The following SEC16A variants were observed in gnomAD, a reference collection of about 807,000 sequenced individuals.
SEC16A encodes the protein protein transport protein Sec16A.
Under a neutral mutation model 221.9 loss-of-function variants are expected in SEC16A, and 110 were observed. That is an observed-to-expected ratio of 0.50 (90% confidence interval 0.42 to 0.58). SEC16A has a LOEUF of 0.58. Among genes scored for constraint, SEC16A ranks in the 20% least tolerant of loss-of-function variants. The pLI is 0.00. For missense variants in SEC16A, 3,165 were observed against 3,097.8 expected (o/e 1.02, Z -0.52); for synonymous variants, 1,393 against 1,257.7 (o/e 1.11, Z -2.28).
chr9:136,461,111 C>T (rs1056880636), intron 13 of SEC16A, 66 bp downstream of exon 13: 85 of 1,277,232 alleles, frequency 6.7e-5, no homozygotes, highest in Non-Finnish European at 8.1e-5. Context: ...CCCCAGGGTG[C>T]GGACGCCGCG....
At chr9:136,449,122 T>G (rs1292809330) in intron 23 of SEC16A, among the ~76,000 whole-genome samples, 1 of 152,076 alleles carries the variant, frequency 6.6e-6, no homozygotes, top group African/African-American at 2.4e-5. Flanking sequence ...TCCTCCCCTT[T>G]GAGAAGTGGA....
chr9:136,483,551 C>G (rs376776341), upstream of SEC16A: 3 of 985,232 alleles, frequency 3.0e-6, no homozygotes, highest in East Asian at 1.1e-4. Flanking sequence ...CCAGGCGCGC[C>G]GGGGCCGTCC....
rs1483275802 is a variant in SEC16A, at chr9:136,459,331, C to A, written c.5304-92G>T. On this transcript the variant is annotated intron_variant, in intron 16 of 31. Coordinates refer to ENST00000684901, the MANE Select transcript of SEC16A (RefSeq NM_014866.2). This position sits in a 1 kb window ranked among gnomAD's most constrained non-coding sequence, Gnocchi z 6.1. ...GCAAATCATCCAGAAGTGTGTCCCA[C>A]CACGTGACAAATAAAGACATGATTC... 3 of 1,411,912 alleles carry A rather than the reference C, an allele frequency of 2.1e-6. No individual in the cohort carries two copies. The African/African-American group carries it at 4.2e-5, about 20-fold the overall frequency. The allele number at this position is 1,411,912 out of a possible 1,614,324, so 87.5% of individuals were successfully genotyped here. A position where few individuals can be genotyped will look rare whatever the true frequency, so the allele number is the denominator to read the frequency against.
In SEC16A at chr9:136,455,710, G is replaced by A. The variant is rs769048373; in HGVS notation, c.5748C>T (p.Asp1916=). ...GTPSSEMEQL[D]RPGLSQPGAL... The stretch of plus-strand genomic sequence containing the variant: ...CTCCTGGCTGACTGAGTCCTGGCCT[G>A]TCCAACTGCTCCATCTCGGAACTCG... The change falls in exon 20 of 32, where the codon GAC becomes GAT. Residue 1916 remains aspartate, a synonymous_variant. Coordinates refer to ENST00000684901, the MANE Select transcript of SEC16A (RefSeq NM_014866.2). 2.5e-5 allele frequency: 40 copies of A among 1,594,242 alleles called. No individual in the cohort carries two copies. Among genetic ancestry groups the A allele is most frequent in the East Asian group, 4.6e-5 (2 of 43,712 alleles).
chr9:136,484,579 G>T, upstream of SEC16A: 1 of 1,339,242 alleles, frequency 7.5e-7, no homozygotes, highest in South Asian at 1.2e-5. Context: ...GGGAGGCTGA[G>T]CTCCCAGCAG....
At chr9:136,452,769 GAAAA>G (rs35228326) in intron 22 of SEC16A, among the ~76,000 whole-genome samples, 8 of 77,938 alleles carry the variant, frequency 1.0e-4, no homozygotes, top group African/African-American at 2.6e-4. Flanking sequence ...ATGTCTTAGG[GAAAA>G]AAAAAAAAAA....
In SEC16A at chr9:136,468,903, G is replaced by A. The variant is rs142896987; in HGVS notation, c.3705-391C>T. ...TTCACTCTGTCGCATAGGCTGGAGTGCAGTGACATGATCTCAGCTTAACAC... is the reference window on the plus strand; with the variant it reads ...TTCACTCTGTCGCATAGGCTGGAGTACAGTGACATGATCTCAGCTTAACAC... On this transcript the variant is annotated intron_variant, in intron 4 of 31. Transcript: ENST00000684901. Among the ~76,000 whole-genome samples the A allele has an allele frequency of 4.5e-3, 684 of 152,216 alleles. 5 individuals carry two copies. The highest frequency in any genetic ancestry group is 0.017 in the Middle Eastern group (5 of 294).
At chr9:136,450,204 AAAAC>A (rs376017444) in intron 23 of SEC16A, among the ~76,000 whole-genome samples, 198 of 152,238 alleles carry the variant, frequency 1.3e-3, no homozygotes, top group African/African-American at 3.6e-3. Context: ...ACCCTGTCTC[AAAAC>A]AAACAAACAA....
chr9:136,447,692 AAC>A lies in SEC16A; in HGVS notation c.6448-14_6448-13del, dbSNP rs1297359289. The A allele has an allele frequency of 1.2e-6, 2 of 1,601,148 alleles. No individual in the cohort carries two copies. The highest frequency in any genetic ancestry group is 1.3e-5 in the African/African-American group (1 of 74,630). On this transcript the variant is annotated splice_polypyrimidine_tract_variant and intron_variant, in intron 25 of 31. Transcript: ENST00000684901. This position sits in a 1 kb window ranked among gnomAD's most constrained non-coding sequence, Gnocchi z 5.5. ...GGCGGGGCTTTCTTCTGCAGAGGGA[AAC>A]ACAGCTTCAGACACCCACTGTGTGC...
Position 136,463,557 on chromosome 9 carries a change from T to C in SEC16A, c.4553A>G (p.Lys1518Arg), listed in dbSNP as rs561936629. 2 of 1,613,892 alleles carry C rather than the reference T, an allele frequency of 1.2e-6. No individual in the cohort carries two copies. The highest frequency in any genetic ancestry group is 1.7e-5 in the Admixed American group (1 of 60,032). The change falls in exon 11 of 32, where the codon AAA becomes AGA. Residue 1518 changes from lysine (K) to arginine (R), a missense_variant. Coordinates refer to ENST00000684901, the MANE Select transcript of SEC16A (RefSeq NM_014866.2). ...KVDVINFAQN[K>R]AMKCLQNENL... ...TTCATTCTGCAAACATTTCATAGCT[T>C]TGTTCTGTGCAAAATTAATGACATC...
Position 136,445,731 on chromosome 9 carries a change from AAG to A in SEC16A, c.6793-14_6793-13del. ...GCAGAGCTTAAAACCTGCCGAGGAA[AAG>A]AAGAATTGCAGCAACCAAATCCCAG... On this transcript the variant is annotated splice_polypyrimidine_tract_variant and intron_variant, in intron 28 of 31. Coordinates refer to ENST00000684901, the MANE Select transcript of SEC16A (RefSeq NM_014866.2). 1 of 1,549,794 alleles carries A rather than the reference AAG, an allele frequency of 6.5e-7. No homozygotes were observed. Among genetic ancestry groups the A allele is most frequent in the Non-Finnish European group, 8.7e-7 (1 of 1,146,718 alleles).
chr9:136,447,149 GGA>G lies in SEC16A; in HGVS notation c.6697+76_6697+77del, dbSNP rs1837112219. ...GGTCATTCTTTTAACGGGAGATTTAGGAGAGACTCATAGAAAGAGGATCAAAG... is the reference window on the plus strand; with the variant it reads ...GGTCATTCTTTTAACGGGAGATTTAGGAGACTCATAGAAAGAGGATCAAAG... On this transcript the variant is annotated intron_variant, in intron 27 of 31. Transcript: ENST00000684901. This position sits in a 1 kb window ranked among gnomAD's most constrained non-coding sequence, Gnocchi z 5.5. 6.5e-7 allele frequency: 1 copy of G among 1,537,848 alleles called. No homozygotes were observed. The highest frequency in any genetic ancestry group is 2.0e-5 in the Admixed American group (1 of 49,898).
rs146307701 is a variant in SEC16A, at chr9:136,447,468, C to T, written c.6559+101G>A. On this transcript the variant is annotated intron_variant, in intron 26 of 31. Coordinates refer to ENST00000684901, the MANE Select transcript of SEC16A (RefSeq NM_014866.2). This position sits in a 1 kb window ranked among gnomAD's most constrained non-coding sequence, Gnocchi z 5.5. ...CAGAGGAAAAGCACGCAGGGACGTGCGGGAAGCCACCTCCTCCCCACGCAC... is the reference window on the plus strand; with the variant it reads ...CAGAGGAAAAGCACGCAGGGACGTGTGGGAAGCCACCTCCTCCCCACGCAC... 2.0e-4 allele frequency: 307 copies of T among 1,550,360 alleles called. 1 individual carries two copies. In the African/African-American group the frequency reaches 3.7e-3, roughly 19 times the overall value.
In SEC16A at chr9:136,474,537, G is replaced by C; in HGVS notation, c.3079C>G (p.Pro1027Ala). 1.2e-6 allele frequency: 2 copies of C among 1,612,926 alleles called. No homozygotes were observed. Among genetic ancestry groups the C allele is most frequent in the Non-Finnish European group, 1.7e-6 (2 of 1,179,812 alleles). ...LASQQSVASH[P>A]RQSGPGAPNL... is the part of the protein sequence containing the mutation. Reference sequence around the variant, plus strand: ...GGCGCCCCAGGCCCAGATTGTCTGGGATGACTGGCAACACTTTGCTGAGAA... The same window carrying C: ...GGCGCCCCAGGCCCAGATTGTCTGGCATGACTGGCAACACTTTGCTGAGAA... Residue 1027 changes from proline (P) to alanine (A), a missense_variant, in exon 3 of 32, where the codon CCC (proline) becomes GCC (alanine). Transcript: ENST00000684901.
Position 136,476,794 on chromosome 9 carries a change from G to A in SEC16A, c.822C>T (p.Ala274=). The A allele has an allele frequency of 6.2e-7, 1 of 1,611,576 alleles. No homozygotes were observed. Among genetic ancestry groups the A allele is most frequent in the Non-Finnish European group, 8.5e-7 (1 of 1,178,290 alleles). Residue 274 remains alanine (A), a synonymous_variant, in exon 3 of 32, where the codon GCC becomes GCT. Transcript: ENST00000684901. ...CCTCGTCTCTTCCGTCACTGGGCAA[G>A]GCTGCTGGGGGAGCCACCAGAGGGC... ...QHSPLVAPPA[A]LPSDGRDEVS...
chr9:136,475,970 T>A lies in SEC16A; in HGVS notation c.1646A>T (p.Gln549Leu). 6.2e-7 allele frequency: 1 copy of A among 1,613,500 alleles called. No homozygotes were observed. Among genetic ancestry groups the A allele is most frequent in the Non-Finnish European group, 8.5e-7 (1 of 1,179,890 alleles). Residue 549 changes from glutamine to leucine, a missense_variant, in exon 3 of 32, where the codon CAA becomes CTA. By Grantham distance (113) the Gln-to-Leu change is moderately radical. This residue lies in a region of SEC16A where 2,030 missense variants were observed against 1,923.1 expected (regional missense o/e 1.06). Coordinates refer to ENST00000684901, the MANE Select transcript of SEC16A (RefSeq NM_014866.2). The surrounding 1 kb of genome is among the most constrained non-coding windows in gnomAD (Gnocchi z 5.0). ...PQELVGTFIQ[Q>L]EVGKPEDEAS... is the part of the protein sequence containing the mutation. ...TTCATCCTCGGGTTTTCCAACTTCTTGCTGAATGAATGTGCCAACCAGCTC... is the reference window on the plus strand; with the variant it reads ...TTCATCCTCGGGTTTTCCAACTTCTAGCTGAATGAATGTGCCAACCAGCTC...
At chr9:136,456,725 C>T (rs1327964269) in intron 18 of SEC16A, among the ~76,000 whole-genome samples, 14 of 152,226 alleles carry the variant, frequency 9.2e-5, no homozygotes, top group African/African-American at 2.7e-4. Flanking sequence ...TGATGCAACA[C>T]GGGCGCCTCC....
intron 20 of SEC16A, among the ~76,000 whole-genome samples, chr9:136,454,778 C>T (rs1235326758): frequency 6.6e-6 from 1 of 152,256 alleles, no homozygotes; most frequent in Non-Finnish European, 1.5e-5. Context: ...AAAAGAAATG[C>T]TGGGTCCTCA....
At position 136,456,102 on chromosome 9, in the gene SEC16A, G is replaced by T. The variant is rs1234317529; in HGVS notation, c.5615C>A (p.Ala1872Asp). The T allele has an allele frequency of 3.1e-6, 5 of 1,612,972 alleles. No homozygotes were observed. Among genetic ancestry groups the T allele is most frequent in the Non-Finnish European group, 4.2e-6 (5 of 1,179,820 alleles). ...CAGGTGAACCAGCCACGTGGGTGCG[G>T]CCAAGGACTCCTCTTCTGGCTTCTC... ...LKEKPEEESL[A>D]APTWLVHLQQ... The change falls in exon 19 of 32, where the codon GCC (alanine) becomes GAC (aspartate). Residue 1872 changes from alanine (A) to aspartate (D), a missense_variant. By Grantham distance (126) the Ala-to-Asp change is moderately radical. This residue lies in a region of SEC16A where 1,088 missense variants were observed against 1,089.6 expected (regional missense o/e 1.00). Coordinates refer to ENST00000684901, the MANE Select transcript of SEC16A (RefSeq NM_014866.2).
Sources: allele counts gnomAD v4.1 joint callset (sites outside exome capture counted in the v4.1 genomes callset), GRCh38; gene constraint gnomAD v4.1.1; regional missense constraint gnomAD v4.1.1; non-coding constraint Gnocchi (gnomAD v3.1); transcripts MANE v1.5; gene names NCBI Gene and HGNC (gene_info 2026-07-23, HGNC 2026-07-21).